Variants in CACNA1E observed in about 807,000 individuals in gnomAD.
CACNA1E encodes the protein voltage-dependent R-type calcium channel subunit alpha-1E.
CACNA1E carries 40 observed loss-of-function variants against 259.2 expected under a neutral mutation model. That is an observed-to-expected ratio of 0.15 (90% CI 0.12 to 0.20). The LOEUF (loss-of-function observed/expected upper bound fraction) is 0.20, where lower values mean the gene tolerates loss of function less well. Ranked by LOEUF, CACNA1E falls within the 10% of genes least tolerant of loss-of-function variation. CACNA1E has a pLI of 1.00. For synonymous variants in CACNA1E, 1,104 were observed against 1,138.5 expected (o/e 0.97, Z 0.61); for missense variants, 1,874 against 3,040.1 (o/e 0.62, Z 9.02).
chr1:181,646,829 G>C (rs957645586), intron 6 of CACNA1E, among the ~76,000 whole-genome samples: 2 of 152,170 alleles, frequency 1.3e-5, no homozygotes, highest in Non-Finnish European at 2.9e-5. Context: ...GCCTGTTTAC[G>C]CAGGGAGTGG....
chr1:181,322,464 A>G (rs1261645426), intron 1 of CACNA1E, among the ~76,000 whole-genome samples: 5 of 152,220 alleles, frequency 3.3e-5, no homozygotes, highest in Non-Finnish European at 7.3e-5. Context: ...CCATTTTTAC[A>G]AACAGTTGTA....
intron 2 of CACNA1E, among the ~76,000 whole-genome samples, chr1:181,414,208 G>A (rs1658093675): frequency 6.6e-6 from 1 of 152,202 alleles, no homozygotes; most frequent in Admixed American, 6.5e-5. Context: ...GGTTGCCCCA[G>A]GTTTTTGCTC....
At chr1:181,585,015 C>CT (rs1292663025) in intron 6 of CACNA1E, among the ~76,000 whole-genome samples, 2 of 149,226 alleles carry the variant, frequency 1.3e-5, no homozygotes, top group African/African-American at 2.5e-5. Context: ...AACTGGTCCC[C>CT]CCCCCTGCCT....
chr1:181,590,419 AT>A lies in CACNA1E; in HGVS notation c.951+9644del, dbSNP rs1478214280. Among the ~76,000 whole-genome samples, 35 of 33,984 alleles carry A rather than the reference AT, an allele frequency of 1.0e-3. No individual in the cohort carries two copies. The East Asian group carries it at 0.011, about 10-fold the overall frequency. 22.3% of individuals were successfully genotyped at this position (33,984 alleles called of 152,430 possible). A position where few individuals can be genotyped will look rare whatever the true frequency, so the allele number is the denominator to read the frequency against. On this transcript the variant is annotated intron_variant, in intron 6 of 47. Transcript: ENST00000367573. The stretch of plus-strand genomic sequence containing the variant: ...TCAATTACAAAAAAAAAAAAAAAAT[AT>A]ATATATATATATATATTGTATTTGA...
At position 181,325,291 on chromosome 1, in the gene CACNA1E, G is replaced by T. The variant is rs534003934; in HGVS notation, c.-15+7168G>T. On this transcript the variant is annotated intron_variant, in intron 1 of 11. Transcript: ENST00000524607. The stretch of plus-strand genomic sequence containing the variant: ...TGTCCCTGCCCCTCACTTCCCTTTG[G>T]GTTTATCATGCTTCCTGCCCTTAGA... Among the ~76,000 whole-genome samples, 27 of 152,268 alleles carry T rather than the reference G, an allele frequency of 1.8e-4. 1 individual carries two copies. In the South Asian group the frequency reaches 2.7e-3, roughly 15 times the overall value.
At chr1:181,784,955 C>T (rs896784819) in intron 41 of CACNA1E, among the ~76,000 whole-genome samples, 187 bp downstream of exon 41, 7 of 152,156 alleles carry the variant, frequency 4.6e-5, no homozygotes, top group African/African-American at 1.7e-4. Context: ...GATGAGACTT[C>T]CTGGGTGTAT....
Position 181,732,517 on chromosome 1 carries a change from C to T in CACNA1E, c.2431C>T (p.Leu811Phe). ...EAPTMNPLNP[L>F]NPLSSLNPLN... is the part of the protein sequence containing the mutation. ...GCCGACCATGAACCCGCTCAACCCC[C>T]TCAACCCGCTCAGCTCCCTCAACCC... The change falls in exon 20 of 48, where the codon CTC becomes TTC. Residue 811 changes from leucine (L) to phenylalanine (F), a missense_variant. By Grantham distance (22) the Leu-to-Phe change is conservative. This residue lies in a region of CACNA1E where 476 missense variants were observed against 514.0 expected (regional missense o/e 0.93). Transcript: ENST00000367573. This position sits in a 1 kb window ranked among gnomAD's most constrained non-coding sequence, Gnocchi z 5.5. 1 of 1,551,410 alleles carries T rather than the reference C, an allele frequency of 6.4e-7. No homozygotes were observed. The highest frequency in any genetic ancestry group is 2.4e-5 in the East Asian group (1 of 40,882).
chr1:181,715,081 C>G (rs547225949), intron 8 of CACNA1E, among the ~76,000 whole-genome samples: 26 of 152,294 alleles, frequency 1.7e-4, no homozygotes, highest in African/African-American at 5.8e-4. Context: ...CACAGGTATC[C>G]TCCTGAACAG....
intron 6 of CACNA1E, among the ~76,000 whole-genome samples, chr1:181,611,403 T>G (rs1321729023): frequency 1.1e-5 from 1 of 92,464 alleles, no homozygotes; most frequent in Non-Finnish European, 2.2e-5. Context: ...TAAGTCAGTG[T>G]TTTTTTTTTT....
intron 1 of CACNA1E, among the ~76,000 whole-genome samples, chr1:181,502,445 A>T (rs1033657134): frequency 6.6e-6 from 1 of 152,064 alleles, no homozygotes. Flanking sequence ...CAGCCATAGG[A>T]GTGAGTGCAA....
chr1:181,682,603 GGTT>G (rs1650089100), intron 7 of CACNA1E, among the ~76,000 whole-genome samples: 1 of 152,178 alleles, frequency 6.6e-6, no homozygotes, highest in African/African-American at 2.4e-5. Flanking sequence ...GTAGAAAAGA[GGTT>G]TAATTGGCAT....
At chr1:181,694,358 A>T (rs752597802) in intron 7 of CACNA1E, among the ~76,000 whole-genome samples, 25 of 152,234 alleles carry the variant, frequency 1.6e-4, no homozygotes, top group Non-Finnish European at 2.6e-4. Flanking sequence ...TCTCAGTCTG[A>T]TGAAATGGCA....
chr1:181,592,786 C>T (rs895005016), intron 6 of CACNA1E, among the ~76,000 whole-genome samples: 13 of 152,116 alleles, frequency 8.5e-5, no homozygotes, highest in Admixed American at 1.3e-4. Context: ...CCCCAACTCT[C>T]CCATGCATGC....
chr1:181,626,687 T>C (rs1009882180), intron 6 of CACNA1E, among the ~76,000 whole-genome samples: 7 of 152,238 alleles, frequency 4.6e-5, no homozygotes, highest in African/African-American at 7.2e-5. Context: ...AGTGTAAGTA[T>C]AGACGTTCTC....
intron 14 of CACNA1E, among the ~76,000 whole-genome samples, chr1:181,720,576 G>C (rs191216596): frequency 1.8e-4 from 28 of 152,296 alleles, no homozygotes; most frequent in Admixed American, 1.6e-3. Context: ...GAAATGTGCA[G>C]CGTGGGCACA....
At chr1:181,706,131 C>T (rs533568002) in intron 7 of CACNA1E, among the ~76,000 whole-genome samples, 2 of 152,150 alleles carry the variant, frequency 1.3e-5, no homozygotes, top group Non-Finnish European at 2.9e-5. Flanking sequence ...GAACACTCTT[C>T]TTCTATAGGC....
Position 181,801,670 on chromosome 1 carries a change from AAG to A in CACNA1E, c.*2839_*2840del, listed in dbSNP as rs1662285901. On this transcript the variant is annotated 3_prime_UTR_variant, in exon 48 of 48. Transcript: ENST00000367573. ...GGTGTCAGAGTCTGCCTCCCTTGAA[AAG>A]AGGCCCCTGTAGACCCCAACACCTA... is the stretch of plus-strand genomic sequence containing the variant. 6.6e-6 allele frequency: 1 copy of A among 152,180 alleles called. No individual in the cohort carries two copies. Among genetic ancestry groups the A allele is most frequent in the Non-Finnish European group, 1.5e-5 (1 of 68,024 alleles). 9.4% of individuals were successfully genotyped at this position (152,180 alleles called of 1,614,324 possible). A position where few individuals can be genotyped will look rare whatever the true frequency, so the allele number is the denominator to read the frequency against.
At chr1:181,462,500 A>C (rs1661883885) in intron 2 of CACNA1E, among the ~76,000 whole-genome samples, 1 of 152,220 alleles carries the variant, frequency 6.6e-6, no homozygotes. Context: ...AGAAAACAAG[A>C]GACACCCACG....
chr1:181,346,748 G>C (rs1429811402), intron 1 of CACNA1E, among the ~76,000 whole-genome samples: 1 of 152,100 alleles, frequency 6.6e-6, no homozygotes, highest in Non-Finnish European at 1.5e-5. Context: ...CTTTAATGAC[G>C]GGAATTGGAG....
Sources: gnomAD v4.1 joint callset for allele counts (sites outside exome capture counted in the v4.1 genomes callset) on GRCh38, gnomAD v4.1.1 for gene constraint, gnomAD v4.1.1 regional missense constraint, Gnocchi (gnomAD v3.1) non-coding constraint, MANE v1.5 for transcripts, NCBI Gene and HGNC (gene_info 2026-07-23, HGNC 2026-07-21) for gene names.